MICAL3: variants seen among roughly 807,000 people sequenced by gnomAD.
MICAL3 encodes microtubule associated monooxygenase, calponin and LIM domain containing 3.
Under a neutral mutation model 207.4 loss-of-function variants are expected in MICAL3, and 62 were observed. The observed-to-expected ratio is 0.30, with a 90% CI of 0.24 to 0.37. MICAL3 has a LOEUF of 0.37. MICAL3 is among the 10% of genes least tolerant of loss of function. The pLI is 1.00. For synonymous variants in MICAL3, 1,077 were observed against 1,069.3 expected, an observed-to-expected ratio of 1.01 and a Z score of -0.14; for missense variants, 2,368 against 2,635.6, an observed-to-expected ratio of 0.90 and a Z score of 2.22.
chr22:18,005,734 C>G (rs1019678661), intron 1 of MICAL3: 5 of 152,142 alleles, frequency 3.3e-5, no homozygotes, highest in African/African-American at 1.2e-4. Context: ...GTGCTGGTGG[C>G]TAGAATTAGC....
chr22:17,840,108 G>C (rs1923858743), intron 20 of MICAL3: 1 of 150,284 alleles, frequency 6.7e-6, no homozygotes, highest in South Asian at 2.1e-4. Flanking sequence ...TTTTGAGATG[G>C]AGTCTCATTC....
rs907513355 is a variant in MICAL3 at position 17,902,468 on chromosome 22, G to A, written c.589+163C>T. Among the ~76,000 whole-genome samples the A allele has an allele frequency of 2.0e-5, 3 of 152,166 alleles. No homozygotes were observed. The highest frequency in any genetic ancestry group is 4.4e-5 in the Non-Finnish European group (3 of 68,030). On this transcript the variant is annotated intron_variant, in intron 4 of 31. Transcript: ENST00000441493. The surrounding 1 kb of genome is among the most constrained non-coding windows in gnomAD (Gnocchi z 4.5). ...ACGGGGCCCTTCCCACCACATGTGCGCCTGCGACATCTAAGGCTGCATCCA... is the reference window on the plus strand; with the variant it reads ...ACGGGGCCCTTCCCACCACATGTGCACCTGCGACATCTAAGGCTGCATCCA...
chr22:17,937,765 TTTAA>T (rs770927677), intron 1 of MICAL3, among the ~76,000 whole-genome samples: 1 of 152,196 alleles, frequency 6.6e-6, no homozygotes, highest in Non-Finnish European at 1.5e-5. Flanking sequence ...ACCTGGAAAG[TTTAA>T]TTATTCTCTC....
At chr22:17,935,111 G>T (rs558848412) in intron 1 of MICAL3, among the ~76,000 whole-genome samples, 1 of 152,082 alleles carries the variant, frequency 6.6e-6, no homozygotes, top group African/African-American at 2.4e-5. Flanking sequence ...AAAAGAGCCC[G>T]CATTGCCAAG....
intron 29 of MICAL3, among the ~76,000 whole-genome samples, chr22:17,806,680 T>C (rs1056260772): frequency 1.4e-4 from 22 of 152,196 alleles, no homozygotes; most frequent in Non-Finnish European, 8.8e-5. Flanking sequence ...TTTTCAAATC[T>C]GTGTTAATTA....
At chr22:18,010,254 C>T (rs1428932873) in intron 1 of MICAL3, among the ~76,000 whole-genome samples, 1 of 149,850 alleles carries the variant, frequency 6.7e-6, no homozygotes, top group African/African-American at 2.5e-5. Flanking sequence ...GTGCACAGGA[C>T]AGACTCCAAA....
In MICAL3 at chr22:17,818,908, G is replaced by T. The variant is rs201963261; in HGVS notation, c.3753C>A (p.Ser1251=). 2.6e-6 allele frequency: 4 copies of T among 1,565,836 alleles called. No individual in the cohort carries two copies. The highest frequency in any genetic ancestry group is 1.8e-5 in the Admixed American group (1 of 54,700). ...TGGGGAGTGGGCTGGGTGGGGGCGT[G>T]GAGGCCGCCACGGGTGGCTGGGGCT... ...SPQPQPPVAA[S]TPPPSPLPIC... is the part of the protein sequence containing the mutation. The change falls in exon 26 of 32, where the codon TCC becomes TCA. Residue 1251 remains serine (S), a synonymous_variant. Coordinates refer to ENST00000441493, the MANE Select transcript of MICAL3 (RefSeq NM_015241.3).
intron 19 of MICAL3, chr22:17,864,340 C>G (rs1926829033): frequency 8.2e-7 from 1 of 1,226,570 alleles, no homozygotes; most frequent in Non-Finnish European, 1.0e-6. Flanking sequence ...CGGTGCAGGG[C>G]AGACAGGAGA....
chr22:17,880,048 T>C (rs1026270888), intron 16 of MICAL3, among the ~76,000 whole-genome samples: 3 of 152,218 alleles, frequency 2.0e-5, no homozygotes, highest in Non-Finnish European at 4.4e-5. Context: ...CATTACTCTC[T>C]GGCTGGCTAA....
intron 19 of MICAL3, among the ~76,000 whole-genome samples, chr22:17,847,757 C>G (rs1338967969): frequency 2.0e-5 from 3 of 152,228 alleles, no homozygotes; most frequent in Non-Finnish European, 4.4e-5. Flanking sequence ...ACTGTTTTTA[C>G]CAGGCGGTAC....
At chr22:17,828,088 G>C (rs1448258958) in intron 21 of MICAL3, among the ~76,000 whole-genome samples, 3 of 152,112 alleles carry the variant, frequency 2.0e-5, no homozygotes, top group Non-Finnish European at 4.4e-5. Flanking sequence ...CTTTCATCCT[G>C]AGCTGCATTC....
At chr22:17,968,414 G>A (rs1935250093) in intron 1 of MICAL3, among the ~76,000 whole-genome samples, 1 of 152,162 alleles carries the variant, frequency 6.6e-6, no homozygotes, top group Non-Finnish European at 1.5e-5. Flanking sequence ...GAGCTGCTCT[G>A]GGAAGAGCTG....
chr22:18,012,931 G>A (rs1475956270), intron 1 of MICAL3, among the ~76,000 whole-genome samples: 1 of 152,188 alleles, frequency 6.6e-6, no homozygotes. Flanking sequence ...CTTGGTAACA[G>A]TGCCTACATC....
At chr22:17,834,268 G>C (rs1208227203) in intron 20 of MICAL3, 2 of 1,098,256 alleles carry the variant, frequency 1.8e-6, no homozygotes, top group African/African-American at 3.4e-5. Context: ...AGCACCTACA[G>C]CTCAGCCAGT....
chr22:17,930,755 C>T (rs534541481), intron 1 of MICAL3, among the ~76,000 whole-genome samples: 9 of 152,312 alleles, frequency 5.9e-5, no homozygotes, highest in South Asian at 2.1e-4. Context: ...GAATTGGCCA[C>T]GCCAGGAAGT....
At chr22:17,872,706 G>T (rs760211260) in intron 16 of MICAL3, 2 of 1,224,866 alleles carry the variant, frequency 1.6e-6, no homozygotes, top group South Asian at 2.4e-5. Context: ...TCCCATGGCT[G>T]TGCTGGGTCT....
chr22:17,792,329 T>TG (rs2145946708), intron 29 of MICAL3, among the ~76,000 whole-genome samples: 1 of 152,372 alleles, frequency 6.6e-6, no homozygotes, highest in East Asian at 1.9e-4. Flanking sequence ...TGCTTATGTG[T>TG]GCAGAGCAAA....
In MICAL3 at chr22:17,827,647, C is replaced by T. The variant is rs1393312968; in HGVS notation, c.3190G>A (p.Gly1064Arg). 1.5e-5 allele frequency: 24 copies of T among 1,564,578 alleles called. No homozygotes were observed. The highest frequency in any genetic ancestry group is 1.8e-5 in the Non-Finnish European group (21 of 1,154,994). ...GCCTGGGGCTGGGAGTGTTTACCTCCGGAAGCAGAGGACTCAGAGGCCGGC... is the reference window on the plus strand; with the variant it reads ...GCCTGGGGCTGGGAGTGTTTACCTCTGGAAGCAGAGGACTCAGAGGCCGGC... Reference protein sequence around the residue: ...MAPASESSASGAPLDENDLEE... With the variant: ...MAPASESSASRAPLDENDLEE... Residue 1064 changes from glycine (G) to arginine (R), a missense_variant, in exon 22 of 32, where the codon GGA (glycine) becomes AGA (arginine). This residue lies in a region of MICAL3 where 1,770 missense variants were observed against 1,863.2 expected (regional missense o/e 0.95). Transcript: ENST00000441493.
At chr22:17,959,055 G>A (rs1163448817) in intron 1 of MICAL3, among the ~76,000 whole-genome samples, 3 of 111,810 alleles carry the variant, frequency 2.7e-5, no homozygotes, top group East Asian at 5.7e-4. Flanking sequence ...TCGCTCTGTT[G>A]CCCAGGCTGA....
Sources: gnomAD v4.1 joint callset for allele counts (sites outside exome capture counted in the v4.1 genomes callset) on GRCh38, gnomAD v4.1.1 for gene constraint, gnomAD v4.1.1 regional missense constraint, Gnocchi (gnomAD v3.1) non-coding constraint, MANE v1.5 for transcripts, NCBI Gene and HGNC (gene_info 2026-07-23, HGNC 2026-07-21) for gene names.